FBXO4: variants seen among roughly 807,000 people sequenced by gnomAD.
FBXO4 encodes F-box only protein 4.
Under a neutral mutation model 43.7 loss-of-function variants are expected in FBXO4, and 36 were observed. That is an observed-to-expected ratio of 0.82 (90% CI 0.63 to 1.09). The LOEUF is 1.09. FBXO4 is among the 50% of genes least tolerant of loss of function. The probability of loss-of-function intolerance (pLI) is 0.00; values close to 1 mark genes in which losing one functional copy is unlikely to be tolerated. For synonymous variants in FBXO4, 180 were observed against 165.6 expected (o/e 1.09, Z -0.67); for missense variants, 435 against 474.1 (o/e 0.92, Z 0.77).
At chr5:42,008,435 A>G in the FBXO4 span, among the ~76,000 whole-genome samples, 1 of 152,090 alleles carries the variant, frequency 6.6e-6, no homozygotes, top group Admixed American at 6.6e-5. Flanking sequence ...AAAATGTTTC[A>G]GGGGATTTGT....
chr5:42,039,980 G>A, the FBXO4 span, among the ~76,000 whole-genome samples: 1 of 152,048 alleles, frequency 6.6e-6, no homozygotes, highest in East Asian at 1.9e-4. Flanking sequence ...ACATGAGCTT[G>A]GAAGAGGAAA....
the FBXO4 span, among the ~76,000 whole-genome samples, chr5:42,009,989 TTACTC>T: frequency 6.6e-6 from 1 of 152,216 alleles, no homozygotes. Context: ...ATAAATTTGA[TTACTC>T]TAGGTACCTT....
At chr5:42,020,627 T>TGTTCTGCCCTGCTTATCA in the FBXO4 span, among the ~76,000 whole-genome samples, 2 of 152,218 alleles carry the variant, frequency 1.3e-5, no homozygotes, top group African/African-American at 4.8e-5. Flanking sequence ...CTTTTCTCTC[T>TGTTCTGCCCTGCTTATCA]GTTCTGCCCT....
At chr5:42,006,070 A>G in the FBXO4 span, among the ~76,000 whole-genome samples, 7 of 152,174 alleles carry the variant, frequency 4.6e-5, no homozygotes, top group South Asian at 1.5e-3. Context: ...ATATATTGAC[A>G]TATGTTGACA....
chr5:41,946,466 A>G (rs887432976), downstream of FBXO4, among the ~76,000 whole-genome samples: 1 of 152,232 alleles, frequency 6.6e-6, no homozygotes, highest in Non-Finnish European at 1.5e-5. Flanking sequence ...AAATCCTTCA[A>G]ATATGTCAAT....
intron 6 of FBXO4, among the ~76,000 whole-genome samples, chr5:41,940,274 A>AT (rs1272848345): frequency 6.6e-6 from 1 of 151,052 alleles, no homozygotes; most frequent in African/African-American, 2.4e-5. Context: ...TATTTTATTT[A>AT]TTTTTTTGTG....
chr5:42,011,262 C>CA, the FBXO4 span, among the ~76,000 whole-genome samples: 1 of 152,138 alleles, frequency 6.6e-6, no homozygotes, highest in East Asian at 1.9e-4. Flanking sequence ...GTAATGGAGA[C>CA]AGTTTCCTCA....
the FBXO4 span, among the ~76,000 whole-genome samples, chr5:42,025,996 T>G: frequency 1.3e-5 from 2 of 152,050 alleles, no homozygotes; most frequent in Non-Finnish European, 2.9e-5. Flanking sequence ...TTTTGTTTTT[T>G]GCTTATGATA....
chr5:41,925,323 A>C lies in FBXO4; in HGVS notation c.14A>C (p.Glu5Ala). The change falls in exon 1 of 7, where the codon GAG (glutamate) becomes GCG (alanine). Residue 5 changes from glutamate to alanine, a missense_variant. Coordinates refer to ENST00000281623, the MANE Select transcript of FBXO4 (RefSeq NM_012176.3). ...TGCGGGCAAGCCATGGCGGGAAGCG[A>C]GCCGCGCAGCGGAACAAACTCGCCG... MAGS[E>A]PRSGTNSPPP... is the part of the protein sequence containing the mutation. The C allele has an allele frequency of 1.5e-6, 2 of 1,343,996 alleles. No homozygotes were observed. Among genetic ancestry groups the C allele is most frequent in the Non-Finnish European group, 1.9e-6 (2 of 1,042,300 alleles). 83.3% of individuals were successfully genotyped at this position (1,343,996 alleles called of 1,614,324 possible). A position where few individuals can be genotyped will look rare whatever the true frequency, so the allele number is the denominator to read the frequency against.
downstream of FBXO4, among the ~76,000 whole-genome samples, chr5:41,945,285 C>T (rs1752061815): frequency 6.6e-6 from 1 of 152,092 alleles, no homozygotes; most frequent in Non-Finnish European, 1.5e-5. Context: ...TCATTAAGAA[C>T]AGTGGTTGGA....
At chr5:41,956,151 C>A in the FBXO4 span, among the ~76,000 whole-genome samples, 1 of 152,020 alleles carries the variant, frequency 6.6e-6, no homozygotes, top group Non-Finnish European at 1.5e-5. Context: ...TAATAAAAAC[C>A]AATCCAGATG....
the FBXO4 span, among the ~76,000 whole-genome samples, chr5:42,038,472 G>A: frequency 6.6e-6 from 1 of 151,986 alleles, no homozygotes; most frequent in Non-Finnish European, 1.5e-5. Flanking sequence ...AAATTTTTAT[G>A]TTAATTATTA....
chr5:42,016,963 T>A, the FBXO4 span, among the ~76,000 whole-genome samples: 1 of 152,090 alleles, frequency 6.6e-6, no homozygotes, highest in Non-Finnish European at 1.5e-5. Flanking sequence ...ATTCTAACTG[T>A]TAAAGCAGGA....
the FBXO4 span, among the ~76,000 whole-genome samples, chr5:42,013,322 C>A: frequency 6.6e-6 from 1 of 152,072 alleles, no homozygotes; most frequent in Non-Finnish European, 1.5e-5. Context: ...TATAGCCATT[C>A]AAATTAAAAA....
At chr5:42,039,846 A>C in the FBXO4 span, among the ~76,000 whole-genome samples, 1 of 152,110 alleles carries the variant, frequency 6.6e-6, no homozygotes, top group Admixed American at 6.6e-5. Flanking sequence ...ACTCATTTAA[A>C]AGAATGCCTA....
downstream of FBXO4, among the ~76,000 whole-genome samples, chr5:41,945,106 T>A (rs1752057988): frequency 6.6e-6 from 1 of 152,156 alleles, no homozygotes; most frequent in Non-Finnish European, 1.5e-5. Flanking sequence ...AAGCTACAGC[T>A]AAAAAGATAG....
the FBXO4 span, among the ~76,000 whole-genome samples, chr5:41,965,533 A>G: frequency 2.6e-5 from 4 of 152,208 alleles, no homozygotes; most frequent in African/African-American, 9.6e-5. Context: ...ATGTTCTTCC[A>G]TTTGTTTGTA....
chr5:41,938,672 T>A (rs747950411), intron 5 of FBXO4, among the ~76,000 whole-genome samples: 21 of 152,208 alleles, frequency 1.4e-4, no homozygotes, highest in Non-Finnish European at 2.5e-4. Context: ...GAAATTTGTG[T>A]ATCATATGGT....
At chr5:42,037,691 A>T in the FBXO4 span, among the ~76,000 whole-genome samples, 1 of 152,114 alleles carries the variant, frequency 6.6e-6, no homozygotes, top group African/African-American at 2.4e-5. Context: ...ATAACAGTGG[A>T]ACTACTGACA....
Sources: allele counts gnomAD v4.1 joint callset (sites outside exome capture counted in the v4.1 genomes callset), GRCh38; gene constraint gnomAD v4.1.1; transcripts MANE v1.5; gene names NCBI Gene and HGNC (gene_info 2026-07-23, HGNC 2026-07-21).